ERAP1: variants seen among roughly 807,000 people sequenced by gnomAD.
The protein encoded by ERAP1 is adipocyte-derived leucine aminopeptidase.
A neutral mutation model predicts 103.7 loss-of-function variants in ERAP1; 86 were observed. That is an observed-to-expected ratio of 0.83 (90% confidence interval 0.70 to 0.99). The LOEUF is 0.99. Ranked by LOEUF, ERAP1 falls within the 50% of genes least tolerant of loss-of-function variation. The pLI is 0.00. For synonymous variants in ERAP1, 398 were observed against 402.4 expected (o/e 0.99, Z 0.13); for missense variants, 1,009 against 1,128.4 (o/e 0.89, Z 1.52).
chr5:96,791,230 AC>A (rs1162520059), intron 8 of ERAP1, among the ~76,000 whole-genome samples: 9 of 152,200 alleles, frequency 5.9e-5, no homozygotes, highest in African/African-American at 2.2e-4. Flanking sequence ...CACTCCCATT[AC>A]CACGGATGGT....
the ERAP1 span, among the ~76,000 whole-genome samples, chr5:96,916,456 C>CTTTT: frequency 5.7e-4 from 56 of 97,634 alleles, no homozygotes; most frequent in African/African-American, 1.9e-3. Context: ...TTCTAGTTAT[C>CTTTT]TTTTTTTTTT....
the ERAP1 span, among the ~76,000 whole-genome samples, chr5:96,860,963 CTTT>C: frequency 6.9e-6 from 1 of 144,488 alleles, no homozygotes; most frequent in Admixed American, 6.9e-5. Flanking sequence ...TCTTTTCTTT[CTTT>C]TTTTTTTTTT....
the ERAP1 span, among the ~76,000 whole-genome samples, chr5:96,882,557 T>G: frequency 6.6e-6 from 1 of 152,366 alleles, no homozygotes; most frequent in Non-Finnish European, 1.5e-5. Context: ...AAAGTGGTTC[T>G]TTTGAGATGC....
rs778003803 is a variant in ERAP1, at chr5:96,793,502, G to A, written c.1086C>T (p.Asn362=). 2.4e-5 allele frequency: 38 copies of A among 1,613,244 alleles called. 1 individual carries two copies. The Middle Eastern group carries it at 5.0e-4, about 21-fold the overall frequency. The change falls in exon 7 of 19, where the codon AAC becomes AAT. Residue 362 remains asparagine (N), a synonymous_variant. Transcript: ENST00000443439. ...CATTCCACCATTCCATAGTGACCAGGTTCCCAAACCACTAAAAGCACAACA... is the reference window on the plus strand; with the variant it reads ...CATTCCACCATTCCATAGTGACCAGATTCCCAAACCACTAAAAGCACAACA... ...AHELAHQWFG[N]LVTMEWWNDL... is the part of the protein sequence containing the mutation.
At chr5:96,770,388 AATC>A, downstream of ERAP1, 1 of 596,564 alleles carries the variant, frequency 1.7e-6, no homozygotes, top group South Asian at 2.0e-5. Context: ...GTTCAAAAAA[AATC>A]ATGAAAAAAC....
At chr5:96,892,236 G>T in the ERAP1 span, 1 of 1,552,254 alleles carries the variant, frequency 6.4e-7, no homozygotes, top group South Asian at 1.1e-5. Context: ...TTTGAGCAGA[G>T]AGCAAATTCT....
At chr5:96,801,723 G>A (rs1270195687) in intron 2 of ERAP1, among the ~76,000 whole-genome samples, 4 of 151,224 alleles carry the variant, frequency 2.6e-5, no homozygotes, top group Admixed American at 2.0e-4. Context: ...GTGGTGGTGC[G>A]CGTCTGTAAT....
intron 1 of ERAP1, chr5:96,804,488 T>C (rs1778337851): frequency 1.1e-5 from 2 of 174,480 alleles, no homozygotes; most frequent in South Asian, 1.3e-4. Context: ...CCCCTGTAAG[T>C]ATATGTAATG....
chr5:96,934,474 A>G, the ERAP1 span: 1 of 152,278 alleles, frequency 6.6e-6, no homozygotes, highest in East Asian at 1.9e-4. Flanking sequence ...CGGGAACAGC[A>G]TGAAGGCCTT....
chr5:96,762,813 T>C (rs1385768763), exon 20 of ERAP1: 2 of 260,052 alleles, frequency 7.7e-6, no homozygotes, highest in East Asian at 8.3e-5. Context: ...ACAAACATTT[T>C]ACAAACGTCA....
chr5:96,777,036 T>G (rs920032081), intron 18 of ERAP1: 119 of 155,776 alleles, frequency 7.6e-4, no homozygotes, highest in Middle Eastern at 3.4e-3. Flanking sequence ...TAGCAAGTTA[T>G]GGCGGTAAGA....
upstream of ERAP1, chr5:96,808,183 GATCCGTGTGTGTGTGTGTGTGTGT>G (rs1561299858): frequency 9.8e-6 from 9 of 920,660 alleles, no homozygotes; most frequent in South Asian, 5.3e-5. Context: ...TCTGAACGCG[GATCCGTGTGTGTGTGTGTGTGTGT>G]GTGTGTGTGT....
chr5:96,855,008 A>G, the ERAP1 span, among the ~76,000 whole-genome samples: 2 of 152,212 alleles, frequency 1.3e-5, no homozygotes, highest in Non-Finnish European at 2.9e-5. Flanking sequence ...TTTTACACAA[A>G]TGAAAGGCAT....
At chr5:96,846,715 C>G in the ERAP1 span, among the ~76,000 whole-genome samples, 40 of 151,940 alleles carry the variant, frequency 2.6e-4, no homozygotes, top group African/African-American at 9.2e-4. Context: ...TTCCCAACCC[C>G]CCTCCCAGCA....
At chr5:96,916,456 C>CTTTTTT in the ERAP1 span, among the ~76,000 whole-genome samples, 8 of 97,632 alleles carry the variant, frequency 8.2e-5, no homozygotes, top group East Asian at 2.8e-4. Flanking sequence ...TTCTAGTTAT[C>CTTTTTT]TTTTTTTTTT....
chr5:96,928,191 CTT>C, the ERAP1 span, among the ~76,000 whole-genome samples: 1,050 of 152,290 alleles, frequency 6.9e-3, 6 homozygotes, highest in African/African-American at 0.025. Flanking sequence ...GCCTGGCTAT[CTT>C]TTCATTTCTT....
the ERAP1 span, chr5:96,909,472 A>G: frequency 1.2e-6 from 1 of 829,396 alleles, no homozygotes; most frequent in South Asian, 1.7e-5. Context: ...TGTTTGGGGA[A>G]AGATTGGGAA....
the ERAP1 span, among the ~76,000 whole-genome samples, chr5:96,829,185 C>T: frequency 6.6e-6 from 1 of 152,094 alleles, no homozygotes; most frequent in Non-Finnish European, 1.5e-5. Context: ...CTGTGCAGTC[C>T]CCTAGGGTCC....
chr5:96,763,064 TCTC>T, exon 20 of ERAP1: 5 of 765,036 alleles, frequency 6.5e-6, no homozygotes, highest in Non-Finnish European at 1.2e-5. Context: ...CAGATCCCCA[TCTC>T]CTTTGGTTGA....
Sources: allele counts gnomAD v4.1 joint callset (sites outside exome capture counted in the v4.1 genomes callset), GRCh38; gene constraint gnomAD v4.1.1; transcripts MANE v1.5; gene names NCBI Gene and HGNC (gene_info 2026-07-23, HGNC 2026-07-21).